Variants in PITPNC1 observed in about 807,000 individuals in gnomAD.
The protein encoded by PITPNC1 is phosphatidylinositol transfer protein cytoplasmic 1.
In PITPNC1, 18 loss-of-function variants were observed where a neutral mutation model predicts 44.7. The observed-to-expected ratio is 0.40, with a 90% CI of 0.28 to 0.60. The LOEUF is 0.60. Ranked by LOEUF, PITPNC1 falls within the 20% of genes least tolerant of loss-of-function variation. The probability of loss-of-function intolerance (pLI) is 0.39; values close to 1 mark genes in which losing one functional copy is unlikely to be tolerated. For missense variants in PITPNC1, 290 were observed against 418.4 expected (o/e 0.69, Z 2.68); for synonymous variants, 141 against 149.6 (o/e 0.94, Z 0.42).
chr17:67,591,984 A>G (rs992877730), intron 5 of PITPNC1, among the ~76,000 whole-genome samples: 1 of 151,464 alleles, frequency 6.6e-6, no homozygotes, highest in African/African-American at 2.4e-5. Context: ...AAGTGCTGGC[A>G]TTATAGGAGT....
At chr17:67,646,265 T>C (rs2144358609) in intron 6 of PITPNC1, among the ~76,000 whole-genome samples, 1 of 152,352 alleles carries the variant, frequency 6.6e-6, no homozygotes, top group African/African-American at 2.4e-5. Context: ...ATTTTTCTCC[T>C]TGAGAAATAA....
At chr17:67,661,632 A>C (rs2042348736) in intron 6 of PITPNC1, among the ~76,000 whole-genome samples, 2 of 152,336 alleles carry the variant, frequency 1.3e-5, no homozygotes, top group South Asian at 4.1e-4. Flanking sequence ...AATGTGGTCA[A>C]GGTGGAAGGC....
chr17:67,425,775 C>T (rs1598646583), intron 1 of PITPNC1, among the ~76,000 whole-genome samples: 1 of 152,210 alleles, frequency 6.6e-6, no homozygotes, highest in Middle Eastern at 3.4e-3. Context: ...GTGATCCTTT[C>T]ACCTCAGCCT....
At position 67,629,015 on chromosome 17, in the gene PITPNC1, T is replaced by G. The variant is rs532264929; in HGVS notation, c.367-3128T>G. 1.9e-4 allele frequency among the ~76,000 whole-genome samples: 29 copies of G among 152,206 alleles called. 1 individual carries two copies. Among genetic ancestry groups the G allele is most frequent in the Non-Finnish European group, 4.0e-4 (27 of 67,994 alleles). ...TCAGAGCAGAGGCATAAGGGCGACT[T>G]TGGAGCTAAGGCAATACTATGAAAA... On this transcript the variant is annotated intron_variant, in intron 5 of 8. Coordinates refer to ENST00000581322, the MANE Select transcript of PITPNC1 (RefSeq NM_012417.4).
intron 4 of PITPNC1, among the ~76,000 whole-genome samples, chr17:67,554,444 G>C (rs2040808948): frequency 6.6e-6 from 1 of 151,976 alleles, no homozygotes; most frequent in South Asian, 2.1e-4. Context: ...TTTTGGTAGA[G>C]ATGGGGTTTC....
chr17:67,532,055 G>T (rs2040469310), intron 1 of PITPNC1, among the ~76,000 whole-genome samples: 2 of 152,194 alleles, frequency 1.3e-5, no homozygotes, highest in South Asian at 2.1e-4. Flanking sequence ...CATATAGTAT[G>T]TTGCTCCACA....
chr17:67,572,480 G>T lies in PITPNC1; in HGVS notation c.295-5706G>T, dbSNP rs1238601419. Among the ~76,000 whole-genome samples the T allele has an allele frequency of 1.2e-3, 110 of 93,796 alleles. 2 individuals are homozygous for T. The highest frequency in any genetic ancestry group is 4.6e-3 in the African/African-American group (108 of 23,442). 61.5% of individuals were successfully genotyped at this position (93,796 alleles called of 152,430 possible). A position where few individuals can be genotyped will look rare whatever the true frequency, so the allele number is the denominator to read the frequency against. On this transcript the variant is annotated intron_variant, in intron 4 of 8. Coordinates refer to ENST00000581322, the MANE Select transcript of PITPNC1 (RefSeq NM_012417.4). ...AAGCTGGGTAAAGCGGGGGGGGGGG[G>T]TAAAGAAGAAGGGGGGTGACTTTGA...
intron 4 of PITPNC1, among the ~76,000 whole-genome samples, chr17:67,574,238 A>G (rs566209444): frequency 6.6e-6 from 1 of 152,344 alleles, no homozygotes; most frequent in East Asian, 1.9e-4. Context: ...AGGTTGATAC[A>G]TCTTGGATTT....
intron 5 of PITPNC1, among the ~76,000 whole-genome samples, chr17:67,624,518 CTGTTTTGTTTTTTTGTT>C (rs1313742931): frequency 6.6e-6 from 1 of 151,158 alleles, no homozygotes. Flanking sequence ...TTCTTTCTTT[CTGTTTTGTTTTTTTGTT>C]TGTTTTGTTT....
intron 1 of PITPNC1, among the ~76,000 whole-genome samples, chr17:67,389,568 A>G (rs1192468858): frequency 6.6e-6 from 1 of 152,224 alleles, no homozygotes; most frequent in Non-Finnish European, 1.5e-5. Context: ...TTTTATTGCC[A>G]TTTAAAAATA....
intron 1 of PITPNC1, among the ~76,000 whole-genome samples, chr17:67,460,360 A>G (rs1329806445): frequency 6.6e-6 from 1 of 152,016 alleles, no homozygotes; most frequent in Non-Finnish European, 1.5e-5. Context: ...CCCTTGCTGC[A>G]GGAGGCAGGA....
intron 5 of PITPNC1, among the ~76,000 whole-genome samples, chr17:67,608,171 C>T (rs566107330): frequency 2.0e-5 from 3 of 149,228 alleles, no homozygotes; most frequent in South Asian, 4.2e-4. Flanking sequence ...TACATCTTGC[C>T]GATTATCGCA....
In PITPNC1 at chr17:67,513,475, A is replaced by ATG. The variant is rs1432994454; in HGVS notation, c.49-19326_49-19325insGT. On this transcript the variant is annotated intron_variant, in intron 1 of 8. Transcript: ENST00000581322. ...TATATACATATACTATATTTTTACTATATGTGTGTGTGTGTATATATATAT... is the reference window on the plus strand; with the variant it reads ...TATATACATATACTATATTTTTACTATGTATGTGTGTGTGTGTATATATATAT... Among the ~76,000 whole-genome samples, 120 of 98,272 alleles carry ATG rather than the reference A, an allele frequency of 1.2e-3. 3 individuals carry two copies. In the South Asian group the frequency reaches 0.019, roughly 16 times the overall value. The allele number at this position is 98,272 out of a possible 152,430, so 64.5% of individuals were successfully genotyped here.
chr17:67,409,262 T>C (rs1440454013), intron 1 of PITPNC1, among the ~76,000 whole-genome samples: 1 of 150,716 alleles, frequency 6.6e-6, no homozygotes, highest in Non-Finnish European at 1.5e-5. Context: ...TTTTTTGTAT[T>C]TTTAGTAGAG....
At chr17:67,404,386 A>G (rs2038366820) in intron 1 of PITPNC1, among the ~76,000 whole-genome samples, 1 of 152,210 alleles carries the variant, frequency 6.6e-6, no homozygotes, top group Non-Finnish European at 1.5e-5. Flanking sequence ...GTTTTTTAGA[A>G]AAATATGTCT....
At chr17:67,521,985 G>A (rs2040330772) in intron 1 of PITPNC1, among the ~76,000 whole-genome samples, 1 of 152,014 alleles carries the variant, frequency 6.6e-6, no homozygotes, top group South Asian at 2.1e-4. Flanking sequence ...TCACCGACAG[G>A]AATCCTCCAG....
intron 1 of PITPNC1, among the ~76,000 whole-genome samples, chr17:67,510,594 G>A (rs768559725): frequency 3.3e-5 from 5 of 152,040 alleles, no homozygotes; most frequent in African/African-American, 4.8e-5. Context: ...GAGCCACCGC[G>A]CCTGGCCATT....
At chr17:67,458,317 C>T (rs2039284854) in intron 1 of PITPNC1, among the ~76,000 whole-genome samples, 1 of 152,150 alleles carries the variant, frequency 6.6e-6, no homozygotes, top group Non-Finnish European at 1.5e-5. Context: ...GTATTAGATG[C>T]ATATGGACCT....
intron 1 of PITPNC1, among the ~76,000 whole-genome samples, chr17:67,532,183 C>T (rs909448058): frequency 2.0e-5 from 3 of 152,136 alleles, no homozygotes; most frequent in Non-Finnish European, 2.9e-5. Context: ...CGGAGAGGAG[C>T]GGCCTTCAGG....
Sources: allele counts gnomAD v4.1 joint callset (sites outside exome capture counted in the v4.1 genomes callset), GRCh38; gene constraint gnomAD v4.1.1; transcripts MANE v1.5; gene names NCBI Gene and HGNC (gene_info 2026-07-23, HGNC 2026-07-21).